DOK3: variants seen among roughly 807,000 people sequenced by gnomAD.
The protein encoded by DOK3 is Dok-like protein.
In DOK3, 23 loss-of-function variants were observed where a neutral mutation model predicts 26.2. The ratio of observed to expected loss-of-function variants is 0.88; its 90% confidence interval spans 0.63 to 1.24. The LOEUF (loss-of-function observed/expected upper bound fraction) is 1.24. Among genes scored for constraint, DOK3 ranks in the 50% most tolerant of loss-of-function variants. DOK3 has a pLI of 0.00. For missense variants in DOK3, 619 were observed against 610.6 expected, an observed-to-expected ratio of 1.01 and a Z score of -0.15; for synonymous variants, 268 against 268.2, an observed-to-expected ratio of 1.00 and a Z score of 0.01.
At position 177,508,622 on chromosome 5, in the gene DOK3, C is replaced by T. The variant is rs1257070607; in HGVS notation, c.67-80G>A. The T allele has an allele frequency of 4.4e-5, 61 of 1,400,784 alleles. No homozygotes were observed. In the East Asian group the frequency reaches 1.5e-3, roughly 35 times the overall value. 86.8% of individuals were successfully genotyped at this position (1,400,784 alleles called of 1,614,324 possible). ...ACTTGGCTCAGCACAAGCTGCTCGG[C>T]AAACGCTCCCAGCCAGGAGCGGGCC... On this transcript the variant is annotated intron_variant, in intron 2 of 5. Coordinates refer to ENST00000510898, the MANE Select transcript of DOK3 (RefSeq NM_001308236.3).
intron 3 of DOK3, 38 bp downstream of exon 3, chr5:177,508,199 T>C: frequency 7.5e-7 from 1 of 1,338,178 alleles, no homozygotes; most frequent in African/African-American, 2.2e-5. Flanking sequence ...CGGGGGCAGG[T>C]GCCCCAGCCC....
Position 177,503,471 on chromosome 5 carries a change from G to A in DOK3, c.*512C>T, listed in dbSNP as rs772914149. The A allele has an allele frequency of 1.6e-5, 23 of 1,460,316 alleles. No individual in the cohort carries two copies. Among genetic ancestry groups the A allele is most frequent in the African/African-American group, 5.7e-5 (4 of 70,378 alleles). 90.5% of individuals were successfully genotyped at this position (1,460,316 alleles called of 1,614,324 possible). On this transcript the variant is annotated 3_prime_UTR_variant, in exon 6 of 6. Coordinates refer to ENST00000510898, the MANE Select transcript of DOK3 (RefSeq NM_001308236.3). ...CTGAAATCCCTTCCACCTGCACCCCGCCCCCACTGCCTCCTCCCAGCTCGG... is the reference window on the plus strand; with the variant it reads ...CTGAAATCCCTTCCACCTGCACCCCACCCCCACTGCCTCCTCCCAGCTCGG...
chr5:177,505,407 G>GCTTCTGTA (rs1359973882), intron 3 of DOK3, among the ~76,000 whole-genome samples: 2 of 152,152 alleles, frequency 1.3e-5, no homozygotes, highest in Non-Finnish European at 2.9e-5. Flanking sequence ...GGCTGGGCCA[G>GCTTCTGTA]CTTCTGTATG....
At chr5:177,510,375 G>T (rs1337403595), upstream of DOK3, 1 of 158,170 alleles carries the variant, frequency 6.3e-6, no homozygotes, top group African/African-American at 2.4e-5. Flanking sequence ...TGGGCATCCA[G>T]TCCACATGGG....
rs116054363 is a variant in DOK3 at position 177,504,151 on chromosome 5, G to A, written c.1155C>T (p.Pro385=). Residue 385 remains proline, a synonymous_variant, in exon 6 of 6, where the codon CCC becomes CCT. Transcript: ENST00000510898. ...CCAGGGTACTGTCGTTGGCCGGGCC[G>A]GGCCAGCTCAAGTCCTGGCCGTTGT... is the stretch of plus-strand genomic sequence containing the variant. ...IYHNGQDLSW[P]GPANDSTLEA... 8.2e-5 allele frequency: 132 copies of A among 1,613,896 alleles called. No individual in the cohort carries two copies. In the African/African-American group the frequency reaches 1.5e-3, roughly 18 times the overall value.
chr5:177,506,385 C>T (rs1446306017), intron 3 of DOK3, among the ~76,000 whole-genome samples: 3 of 145,044 alleles, frequency 2.1e-5, no homozygotes, highest in Non-Finnish European at 3.0e-5. Context: ...GGCTGGAATG[C>T]AGTGGTGCGA....
In DOK3 at chr5:177,504,668, C is replaced by G. The variant is rs371995835; in HGVS notation, c.646-8G>C. 5.0e-6 allele frequency: 8 copies of G among 1,613,272 alleles called. No homozygotes were observed. The African/African-American group carries it at 9.3e-5, about 19-fold the overall frequency. ...CTCAAAGGAGAACACGCCCTGGGCA[C>G]AGGGCACACGGGTGGGGATTAGCAG... On this transcript the variant is annotated splice_region_variant and splice_polypyrimidine_tract_variant and intron_variant, in intron 5 of 5. Transcript: ENST00000510898.
Position 177,503,423 on chromosome 5 carries a change from A to T in DOK3, c.*560T>A, listed in dbSNP as rs909979422. On this transcript the variant is annotated 3_prime_UTR_variant, in exon 6 of 6. Coordinates refer to ENST00000510898, the MANE Select transcript of DOK3 (RefSeq NM_001308236.3). ...AATTGTTGGAGTTTCAGCAGGGAACAAGTGTTTTGGACGAGGGTGTCTCTG... is the reference window on the plus strand; with the variant it reads ...AATTGTTGGAGTTTCAGCAGGGAACTAGTGTTTTGGACGAGGGTGTCTCTG... 1.5e-5 allele frequency: 23 copies of T among 1,518,712 alleles called. No individual in the cohort carries two copies. The highest frequency in any genetic ancestry group is 2.0e-5 in the Non-Finnish European group (22 of 1,124,998). The allele number at this position is 1,518,712 out of a possible 1,614,324, so 94.1% of individuals were successfully genotyped here. A position where few individuals can be genotyped will look rare whatever the true frequency, so the allele number is the denominator to read the frequency against.
Position 177,503,235 on chromosome 5 carries a change from A to C in DOK3, c.*748T>G. On this transcript the variant is annotated 3_prime_UTR_variant, in exon 6 of 6. Transcript: ENST00000510898. Reference sequence around the variant, plus strand: ...CTCCCCCTGGAATGTCGGCTCCCGGAGAACAGGACCAAGGCTGTCCTGAAC... The same window carrying C: ...CTCCCCCTGGAATGTCGGCTCCCGGCGAACAGGACCAAGGCTGTCCTGAAC... 6.4e-7 allele frequency: 1 copy of C among 1,551,562 alleles called. No individual in the cohort carries two copies. Among genetic ancestry groups the C allele is most frequent in the Non-Finnish European group, 8.7e-7 (1 of 1,146,848 alleles).
intron 3 of DOK3, among the ~76,000 whole-genome samples, chr5:177,507,546 T>G (rs1581789686): frequency 6.6e-6 from 1 of 152,096 alleles, no homozygotes; most frequent in Non-Finnish European, 1.5e-5. Context: ...CCTCGACCTC[T>G]GGGGCTCATG....
chr5:177,509,986 C>T (rs1357879226), upstream of DOK3: 9 of 1,157,420 alleles, frequency 7.8e-6, no homozygotes, highest in African/African-American at 1.5e-5. Flanking sequence ...GGTTTGAGCG[C>T]CTCACCCCAT....
At chr5:177,510,983 C>T (rs1460072258), upstream of DOK3, 15 of 152,424 alleles carry the variant, frequency 9.8e-5, no homozygotes, top group Admixed American at 7.8e-4. Flanking sequence ...GTCCACGTTT[C>T]TGCGTGTGCG....
chr5:177,507,627 G>A (rs569476993), intron 3 of DOK3, among the ~76,000 whole-genome samples: 50 of 152,256 alleles, frequency 3.3e-4, no homozygotes, highest in African/African-American at 1.2e-3. Context: ...ACACACCTAG[G>A]AGTGGACCTG....
intron 3 of DOK3, 98 bp from the exon 4 acceptor site, chr5:177,505,208 A>G: frequency 8.9e-7 from 1 of 1,123,642 alleles, no homozygotes. Flanking sequence ...GGGGGCATCC[A>G]GGGGCCTGGG....
chr5:177,503,889 C>A lies in DOK3; in HGVS notation c.*94G>T, dbSNP rs757361729. On this transcript the variant is annotated 3_prime_UTR_variant, in exon 6 of 6. Transcript: ENST00000510898. ...TCCTGCAGGCCAGGGTGGACACAGG[C>A]GTGTGTCTGCATGGGCCCAATGTTT... The A allele has an allele frequency of 1.9e-5, 27 of 1,448,206 alleles. No homozygotes were observed. Among genetic ancestry groups the A allele is most frequent in the Admixed American group, 5.1e-5 (2 of 38,846 alleles). The allele number at this position is 1,448,206 out of a possible 1,614,324, so 89.7% of individuals were successfully genotyped here.
At chr5:177,509,431 C>G (rs558043121) in intron 2 of DOK3, 44 bp downstream of exon 2, 1 of 1,574,420 alleles carries the variant, frequency 6.4e-7, no homozygotes, top group South Asian at 1.2e-5. Context: ...ATTCTCCACC[C>G]ACTGTTGGTC....
In DOK3 at chr5:177,503,876, G is replaced by A. The variant is rs778683234; in HGVS notation, c.*107C>T. On this transcript the variant is annotated 3_prime_UTR_variant, in exon 6 of 6. Transcript: ENST00000510898. ...CGGCCTGCCTTGTTCCTGCAGGCCAGGGTGGACACAGGCGTGTGTCTGCAT... is the reference window on the plus strand; with the variant it reads ...CGGCCTGCCTTGTTCCTGCAGGCCAAGGTGGACACAGGCGTGTGTCTGCAT... 7.5e-5 allele frequency: 108 copies of A among 1,441,210 alleles called. No individual in the cohort carries two copies. The highest frequency in any genetic ancestry group is 5.3e-5 in the Non-Finnish European group (58 of 1,101,886). The allele number at this position is 1,441,210 out of a possible 1,614,324, so 89.3% of individuals were successfully genotyped here.
rs769815728 is a variant in DOK3 at position 177,509,567 on chromosome 5, C to T, written c.-27G>A. On this transcript the variant is annotated 5_prime_UTR_variant, in exon 2 of 6. Transcript: ENST00000510898. The stretch of plus-strand genomic sequence containing the variant: ...GTCACGGCCAGGAGCAGGGCCGCCG[C>T]TTCAAGACCTGGGGAGACTGATGAC... 3 of 1,609,646 alleles carry T rather than the reference C, an allele frequency of 1.9e-6. No homozygotes were observed. The highest frequency in any genetic ancestry group is 2.5e-6 in the Non-Finnish European group (3 of 1,177,642).
rs758198943 is a variant in DOK3, at chr5:177,504,240, C to T, written c.1066G>A (p.Gly356Ser). 1.2e-5 allele frequency: 20 copies of T among 1,611,136 alleles called. No individual in the cohort carries two copies. Among genetic ancestry groups the T allele is most frequent in the Admixed American group, 5.0e-5 (3 of 59,646 alleles). The change falls in exon 6 of 6, where the codon GGT becomes AGT. Residue 356 changes from glycine to serine, a missense_variant. Physicochemically the swap from Gly to Ser is moderately conservative, Grantham distance 56 (BLOSUM62 0). Transcript: ENST00000510898. ...CCCTCGTGCGGCTCAGGTTCCCCAC[C>T]GTGCAGCGTGGGGCTGGCCTCCAGC... ...CVLEASPTLH[G>S]GEPEPHEGPG...
Sources: allele counts gnomAD v4.1 joint callset (sites outside exome capture counted in the v4.1 genomes callset), GRCh38; gene constraint gnomAD v4.1.1; transcripts MANE v1.5; gene names NCBI Gene and HGNC (gene_info 2026-07-23, HGNC 2026-07-21).